DUSP16: variants seen among roughly 807,000 people sequenced by gnomAD.
DUSP16 encodes dual specificity phosphatase 16, also known as dual specificity protein phosphatase 16.
DUSP16 carries 21 observed loss-of-function variants against 58.3 expected under a neutral mutation model. The ratio of observed to expected loss-of-function variants is 0.36; its 90% confidence interval spans 0.26 to 0.52. The LOEUF (loss-of-function observed/expected upper bound fraction) is 0.52. DUSP16 is among the 20% of genes least tolerant of loss of function. The pLI is 0.94. For missense variants in DUSP16, 726 were observed against 819.0 expected (o/e 0.89, Z 1.39); for synonymous variants, 320 against 323.8 (o/e 0.99, Z 0.12).
chr12:12,542,388 G>GAAAAAAAAAAAGAAAAAA, intron 1 of DUSP16, among the ~76,000 whole-genome samples: 1 of 109,706 alleles, frequency 9.1e-6, no homozygotes, highest in Non-Finnish European at 1.8e-5. Context: ...AAAGAAAAGA[G>GAAAAAAAAAAAGAAAAAA]AAAAAAAAAA....
At chr12:12,484,339 C>T (rs1404316242) in intron 5 of DUSP16, among the ~76,000 whole-genome samples, 1 of 152,084 alleles carries the variant, frequency 6.6e-6, no homozygotes, top group Non-Finnish European at 1.5e-5. Context: ...ATGTGTTTAA[C>T]CAAGTTGCAA....
intron 3 of DUSP16, among the ~76,000 whole-genome samples, chr12:12,513,766 TTATTTC>T (rs1181009804): frequency 6.6e-6 from 1 of 152,210 alleles, no homozygotes; most frequent in African/African-American, 2.4e-5. Context: ...AGGTTGATCT[TTATTTC>T]TACTAAATTA....
At chr12:12,526,960 C>T (rs1253126620) in intron 1 of DUSP16, among the ~76,000 whole-genome samples, 1 of 152,182 alleles carries the variant, frequency 6.6e-6, no homozygotes, top group Admixed American at 6.5e-5. Flanking sequence ...GGGGGTCCCA[C>T]TCAGAGAGGC....
chr12:12,508,968 C>A (rs1382224581), intron 3 of DUSP16, among the ~76,000 whole-genome samples: 1 of 152,202 alleles, frequency 6.6e-6, no homozygotes, highest in African/African-American at 2.4e-5. Flanking sequence ...TAAATCAACT[C>A]CATCAGCAAC....
At chr12:12,513,876 C>T (rs541632672) in intron 3 of DUSP16, among the ~76,000 whole-genome samples, 6 of 152,070 alleles carry the variant, frequency 3.9e-5, no homozygotes, top group East Asian at 3.9e-4. Context: ...TCTAATCTGG[C>T]GCTCTTAGAA....
Position 12,477,523 on chromosome 12 carries a change from C to T in DUSP16, c.1308G>A (p.Leu436=), listed in dbSNP as rs199972119. 2 of 1,604,446 alleles carry T rather than the reference C, an allele frequency of 1.2e-6. No homozygotes were observed. The highest frequency in any genetic ancestry group is 2.2e-5 in the East Asian group (1 of 44,764). ...ALEYYKPSTT[L]DGTNKLCQFS... ...ACTGGCATAGCTTGTTGGTCCCATC[C>T]AGAGTAGTGGAAGGTTTGTAGTATT... Residue 436 remains leucine, a synonymous_variant, in exon 7 of 7, where the codon CTG becomes CTA. Transcript: ENST00000298573. The surrounding 1 kb of genome is among the most constrained non-coding windows in gnomAD (Gnocchi z 4.1).
chr12:12,500,410 AT>A, intron 4 of DUSP16, 108 bp downstream of exon 4: 1 of 1,313,908 alleles, frequency 7.6e-7, no homozygotes, highest in South Asian at 1.6e-5. Flanking sequence ...TGAGAATGGC[AT>A]AGCAGCTCCT....
At chr12:12,551,097 A>G (rs975783129) in intron 1 of DUSP16, among the ~76,000 whole-genome samples, 5 of 151,744 alleles carry the variant, frequency 3.3e-5, no homozygotes, top group Admixed American at 2.0e-4. Context: ...TTTTCATAGG[A>G]CACCATTTTT....
chr12:12,481,094 G>C (rs1462859603), intron 5 of DUSP16, among the ~76,000 whole-genome samples: 1 of 152,096 alleles, frequency 6.6e-6, no homozygotes, highest in Non-Finnish European at 1.5e-5. Flanking sequence ...AGAAAACCTT[G>C]TATAGGCTAT....
intron 3 of DUSP16, among the ~76,000 whole-genome samples, chr12:12,503,288 C>T (rs368991914): frequency 2.7e-5 from 4 of 145,810 alleles, no homozygotes; most frequent in East Asian, 4.1e-4. Flanking sequence ...TGCAGTGGCG[C>T]GATCTTGGCT....
intron 1 of DUSP16, among the ~76,000 whole-genome samples, chr12:12,535,722 G>A (rs768580720): frequency 8.5e-5 from 13 of 152,146 alleles, no homozygotes; most frequent in South Asian, 2.1e-4. Context: ...ATAACATGCC[G>A]GTCAGATGTC....
intron 4 of DUSP16, among the ~76,000 whole-genome samples, chr12:12,497,093 CAA>C (rs1943838033): frequency 2.0e-5 from 3 of 152,034 alleles, no homozygotes; most frequent in African/African-American, 7.2e-5. Flanking sequence ...AGACTCAGTA[CAA>C]AAAGAGACTG....
chr12:12,495,413 G>A (rs950380844), intron 4 of DUSP16, among the ~76,000 whole-genome samples: 1 of 152,162 alleles, frequency 6.6e-6, no homozygotes, highest in South Asian at 2.1e-4. Flanking sequence ...TCAACACACA[G>A]TTGAGTAAAC....
chr12:12,553,987 C>G (rs1481217347), intron 1 of DUSP16, among the ~76,000 whole-genome samples: 1 of 152,000 alleles, frequency 6.6e-6, no homozygotes, highest in Non-Finnish European at 1.5e-5. Context: ...CACTTGAAGT[C>G]AGGAGTTTGA....
intron 5 of DUSP16, among the ~76,000 whole-genome samples, chr12:12,480,791 T>C (rs1943550067): frequency 6.6e-6 from 1 of 152,204 alleles, no homozygotes; most frequent in South Asian, 2.1e-4. Flanking sequence ...CGATGTCGGC[T>C]CATTGCAATC....
At chr12:12,541,950 T>C (rs571679587) in intron 1 of DUSP16, among the ~76,000 whole-genome samples, 1 of 152,318 alleles carries the variant, frequency 6.6e-6, no homozygotes, top group African/African-American at 2.4e-5. Context: ...ATCCCTACTA[T>C]GGAATATTAT....
intron 4 of DUSP16, among the ~76,000 whole-genome samples, chr12:12,498,557 G>A (rs987112554): frequency 2.6e-5 from 4 of 151,988 alleles, no homozygotes; most frequent in Admixed American, 2.0e-4. Context: ...TGGAACTACA[G>A]GCTAGGGCCA....
At position 12,477,486 on chromosome 12, in the gene DUSP16, GAACAGGGGAGA is replaced by G; in HGVS notation, c.1334_1344del (p.Phe445SerfsTer13). 6.3e-7 allele frequency: 1 copy of G among 1,596,270 alleles called. No individual in the cohort carries two copies. The highest frequency in any genetic ancestry group is 8.5e-7 in the Non-Finnish European group (1 of 1,169,996). ...TCGGGAGTCTGCTCCGATAGTTCCT[GAACAGGGGAGA>G]ACTGGCATAGCTTGTTGGTCCCATC... On this transcript the variant is annotated frameshift_variant, in exon 7 of 7. Coordinates refer to ENST00000298573, the MANE Select transcript of DUSP16 (RefSeq NM_030640.3). LOFTEE classifies it high-confidence loss of function. The surrounding 1 kb of genome is among the most constrained non-coding windows in gnomAD (Gnocchi z 4.1).
chr12:12,560,895 A>C (rs944101921), intron 1 of DUSP16: 5 of 141,016 alleles, frequency 3.5e-5, no homozygotes, highest in Non-Finnish European at 8.0e-5. Flanking sequence ...TTTTTCTGAC[A>C]GTCTCAGTTC....
Sources: gnomAD v4.1 joint callset for allele counts (sites outside exome capture counted in the v4.1 genomes callset) on GRCh38, gnomAD v4.1.1 for gene constraint, Gnocchi (gnomAD v3.1) non-coding constraint, MANE v1.5 for transcripts, NCBI Gene and HGNC (gene_info 2026-07-23, HGNC 2026-07-21) for gene names.